PDIA3: variants seen among roughly 807,000 people sequenced by gnomAD.
The protein encoded by PDIA3 is protein disulfide isomerase family A member 3.
In PDIA3, 16 loss-of-function variants were observed where a neutral mutation model predicts 56.9. The observed-to-expected ratio is 0.28, with a 90% CI of 0.19 to 0.43. The LOEUF is 0.43. Ranked by LOEUF, PDIA3 falls within the 20% of genes least tolerant of loss-of-function variation. The pLI is 1.00. For synonymous variants in PDIA3, 192 were observed against 216.5 expected (o/e 0.89, Z 0.99); for missense variants, 485 against 621.3 (o/e 0.78, Z 2.33).
intron 8 of PDIA3, among the ~76,000 whole-genome samples, chr15:43,767,786 AAAAAG>A (rs1440930367): frequency 4.7e-5 from 7 of 150,050 alleles, no homozygotes; most frequent in African/African-American, 9.8e-5. Flanking sequence ...AAAAAAAAAA[AAAAAG>A]AAAGAAATAG....
chr15:43,759,935 A>G (rs1199922607), intron 3 of PDIA3, among the ~76,000 whole-genome samples: 1 of 152,110 alleles, frequency 6.6e-6, no homozygotes, highest in Non-Finnish European at 1.5e-5. Context: ...TAAAAATACA[A>G]AAAATTAGCC....
chr15:43,763,191 A>T lies in PDIA3; in HGVS notation c.587A>T (p.Tyr196Phe). The change falls in exon 5 of 13, where the codon TAT (tyrosine) becomes TTT (phenylalanine). Residue 196 changes from tyrosine (Y) to phenylalanine (F), a missense_variant. By Grantham distance (22) the Tyr-to-Phe change is conservative. Transcript: ENST00000300289. ...HTNVESLVNE[Y>F]DDNGEGIILF... The stretch of plus-strand genomic sequence containing the variant: ...AATGTTGAGTCTCTGGTGAACGAGT[A>T]TGATGATAATGGAGAGTAAGTGACT... 1 of 1,614,028 alleles carries T rather than the reference A, an allele frequency of 6.2e-7. No individual in the cohort carries two copies. The highest frequency in any genetic ancestry group is 8.5e-7 in the Non-Finnish European group (1 of 1,179,886).
At position 43,769,727 on chromosome 15, in the gene PDIA3, G is replaced by T. The variant is rs2277530; in HGVS notation, c.1266+81G>T. 6.4e-3 allele frequency: 9,543 copies of T among 1,480,090 alleles called. 158 individuals carry two copies. The highest frequency in any genetic ancestry group is 0.055 in the East Asian group (2,430 of 44,036). 91.7% of individuals were successfully genotyped at this position (1,480,090 alleles called of 1,614,324 possible). A position where few individuals can be genotyped will look rare whatever the true frequency, so the allele number is the denominator to read the frequency against. ...TATGTATTCAGCATTGGCTAATTTG[G>T]TTGGTTCCTAAGTACTGATAGATTT... is the stretch of plus-strand genomic sequence containing the variant. On this transcript the variant is annotated intron_variant, in intron 10 of 12. Transcript: ENST00000300289.
At chr15:43,753,201 C>T (rs2086756010) in intron 1 of PDIA3, among the ~76,000 whole-genome samples, 2 of 152,044 alleles carry the variant, frequency 1.3e-5, no homozygotes, top group Non-Finnish European at 2.9e-5. Flanking sequence ...CCTCAGCCTC[C>T]CGATTAGCTT....
intron 1 of PDIA3, among the ~76,000 whole-genome samples, chr15:43,753,372 C>T (rs563856026): frequency 6.6e-6 from 1 of 152,186 alleles, no homozygotes; most frequent in East Asian, 1.9e-4. Flanking sequence ...GCTTCAGTCA[C>T]TATTTTTAAC....
At chr15:43,755,781 G>T (rs1022180618) in intron 2 of PDIA3, among the ~76,000 whole-genome samples, 5 of 152,124 alleles carry the variant, frequency 3.3e-5, no homozygotes, top group Admixed American at 6.6e-5. Context: ...AGGTGTGGTG[G>T]CCGGTGCCTG....
intron 1 of PDIA3, chr15:43,751,892 G>A (rs1269187901): frequency 1.9e-6 from 1 of 527,216 alleles, no homozygotes; most frequent in African/African-American, 2.0e-5. Flanking sequence ...GAAGATAGTT[G>A]AAACAATTAA....
intron 10 of PDIA3, 132 bp downstream of exon 10, chr15:43,769,778 C>A: frequency 1.0e-6 from 1 of 974,570 alleles, no homozygotes; most frequent in Non-Finnish European, 1.5e-6. Context: ...GCTGTTTACT[C>A]ACTTTCTCGT....
rs1435258715 is a variant in PDIA3 at position 43,771,660 on chromosome 15, C to T, written c.*442C>T. Reference sequence around the variant, plus strand: ...CTACACTGTTCAGTACAGGTAGCTACGGAGCATCTGAAATATGGCTAGAAA... The same window carrying T: ...CTACACTGTTCAGTACAGGTAGCTATGGAGCATCTGAAATATGGCTAGAAA... On this transcript the variant is annotated 3_prime_UTR_variant, in exon 13 of 13. Transcript: ENST00000300289. The T allele has an allele frequency of 2.5e-6, 1 of 400,008 alleles. No homozygotes were observed. The highest frequency in any genetic ancestry group is 4.4e-6 in the Non-Finnish European group (1 of 227,102). 24.8% of individuals were successfully genotyped at this position (400,008 alleles called of 1,614,324 possible). A position where few individuals can be genotyped will look rare whatever the true frequency, so the allele number is the denominator to read the frequency against.
rs939557577 is a variant in PDIA3 at position 43,773,156 on chromosome 15, C to G, written c.*1938C>G. 3.1e-6 allele frequency: 5 copies of G among 1,613,610 alleles called. No individual in the cohort carries two copies. Among genetic ancestry groups the G allele is most frequent in the Admixed American group, 3.3e-5 (2 of 59,836 alleles). ...CTTTTCCTCAAACTCCAGGATGAGA[C>G]CTTTAATGTGGGACAATTTCTGGTG... On this transcript the variant is annotated 3_prime_UTR_variant, in exon 13 of 13. Transcript: ENST00000300289.
chr15:43,752,117 G>A (rs1264510094), intron 1 of PDIA3, among the ~76,000 whole-genome samples: 9 of 152,100 alleles, frequency 5.9e-5, no homozygotes, highest in African/African-American at 1.9e-4. Context: ...CTTAGTACAC[G>A]TGCACGCACA....
At chr15:43,766,705 C>T in intron 7 of PDIA3, 23 bp from the exon 8 acceptor site, 1 of 1,609,952 alleles carries the variant, frequency 6.2e-7, no homozygotes, top group Non-Finnish European at 8.5e-7. Flanking sequence ...AGTCTTGGCA[C>T]AAATGTCTCT....
At chr15:43,761,166 C>T (rs1331141388) in intron 3 of PDIA3, among the ~76,000 whole-genome samples, 1 of 148,334 alleles carries the variant, frequency 6.7e-6, no homozygotes, top group Non-Finnish European at 1.5e-5. Flanking sequence ...GGCATGAACA[C>T]AGGAGGCAGA....
In PDIA3 at chr15:43,763,157, G is replaced by A. The variant is rs1424232505; in HGVS notation, c.553G>A (p.Ala185Thr). The change falls in exon 5 of 13, where the codon GCA becomes ACA. Residue 185 changes from alanine (A) to threonine (T), a missense_variant. Physicochemically the swap from Ala to Thr is moderately conservative, Grantham distance 58. Coordinates refer to ENST00000300289, the MANE Select transcript of PDIA3 (RefSeq NM_005313.5). The part of the protein sequence containing the change: ...ASNLRDNYRF[A>T]HTNVESLVNE... ...CAACTTGAGGGATAACTACCGATTT[G>A]CACATACGAATGTTGAGTCTCTGGT... 6.2e-7 allele frequency: 1 copy of A among 1,613,980 alleles called. No homozygotes were observed. The highest frequency in any genetic ancestry group is 1.3e-5 in the African/African-American group (1 of 74,924).
chr15:43,770,645 A>C, intron 12 of PDIA3, 65 bp downstream of exon 12: 1 of 1,045,460 alleles, frequency 9.6e-7, no homozygotes, highest in Non-Finnish European at 1.5e-6. Context: ...CCTTAAACAT[A>C]GTTCTTTAAT....
At chr15:43,764,966 T>C (rs1231280151) in intron 5 of PDIA3, among the ~76,000 whole-genome samples, 1 of 152,176 alleles carries the variant, frequency 6.6e-6, no homozygotes, top group African/African-American at 2.4e-5. Flanking sequence ...CACTTAAGAT[T>C]AAGGTGGTTA....
chr15:43,754,392 C>CAAAAAA (rs1048781007), intron 2 of PDIA3, among the ~76,000 whole-genome samples: 2 of 51,226 alleles, frequency 3.9e-5, no homozygotes, highest in African/African-American at 1.4e-4. Flanking sequence ...GACTCCGTCT[C>CAAAAAA]AAAAAAAAAA....
intron 12 of PDIA3, 104 bp from the exon 13 acceptor site, chr15:43,771,001 G>T: frequency 2.8e-6 from 2 of 711,988 alleles, no homozygotes; most frequent in South Asian, 1.8e-5. Context: ...CAGTATATGT[G>T]GCTGCTAATA....
At chr15:43,768,110 C>T (rs746137943) in intron 8 of PDIA3, among the ~76,000 whole-genome samples, 26 of 152,054 alleles carry the variant, frequency 1.7e-4, no homozygotes, top group African/African-American at 4.8e-4. Flanking sequence ...CTGAAGACCC[C>T]GGAAACAATT....
Sources: gnomAD v4.1 joint callset for allele counts (sites outside exome capture counted in the v4.1 genomes callset) on GRCh38, gnomAD v4.1.1 for gene constraint, MANE v1.5 for transcripts, NCBI Gene and HGNC (gene_info 2026-07-23, HGNC 2026-07-21) for gene names.